Variants in UVRAG observed in about 807,000 individuals in gnomAD.
UVRAG encodes the protein UV radiation resistance associated, also known as UV radiation resistance-associated gene protein.
UVRAG carries 19 observed loss-of-function variants against 78.0 expected under a neutral mutation model. The ratio of observed to expected loss-of-function variants is 0.24; its 90% CI spans 0.17 to 0.36. The LOEUF (loss-of-function observed/expected upper bound fraction) is 0.36. UVRAG is among the 10% of genes least tolerant of loss of function. The probability of loss-of-function intolerance (pLI) is 1.00; values close to 1 mark genes in which losing one functional copy is unlikely to be tolerated. For synonymous variants in UVRAG, 323 were observed against 324.6 expected, an observed-to-expected ratio of 1.00 and a Z score of 0.05; for missense variants, 740 against 853.8, an observed-to-expected ratio of 0.87 and a Z score of 1.66.
At chr11:76,055,870 T>G (rs995755221) in intron 12 of UVRAG, among the ~76,000 whole-genome samples, 4 of 152,084 alleles carry the variant, frequency 2.6e-5, no homozygotes, top group African/African-American at 9.7e-5. Flanking sequence ...CCACCACACC[T>G]GGCTAATTTT....
intron 11 of UVRAG, among the ~76,000 whole-genome samples, chr11:76,009,118 G>A (rs967817011): frequency 6.6e-6 from 1 of 152,138 alleles, no homozygotes; most frequent in Non-Finnish European, 1.5e-5. Flanking sequence ...AAGCAAATTA[G>A]ACAGTCAGGT....
rs561498440 is a variant in UVRAG at position 76,021,353 on chromosome 11, G to A, written c.1226+4373G>A. On this transcript the variant is annotated intron_variant, in intron 12 of 14. Transcript: ENST00000356136. ...TTTTCTTATAATCCTTTTCATTTCT[G>A]TAAGGTTTGTAGTAATGTCCCCACT... Among the ~76,000 whole-genome samples, 6 of 152,222 alleles carry A rather than the reference G, an allele frequency of 3.9e-5. No individual in the cohort carries two copies. The East Asian group carries it at 1.2e-3, about 29-fold the overall frequency.
chr11:75,845,482 G>A lies in UVRAG; in HGVS notation c.118-6401G>A, dbSNP rs949376589. On this transcript the variant is annotated intron_variant, in intron 1 of 14. Coordinates refer to ENST00000356136, the MANE Select transcript of UVRAG (RefSeq NM_003369.4). ...AGAAAATGTGATACATATACACCAT[G>A]GAATACTACACAGCCAGAAAAAAGA... Among the ~76,000 whole-genome samples the A allele has an allele frequency of 2.6e-5, 4 of 152,196 alleles. No individual in the cohort carries two copies. In the East Asian group the frequency reaches 7.7e-4, roughly 29 times the overall value.
intron 4 of UVRAG, among the ~76,000 whole-genome samples, chr11:75,880,817 A>G (rs1339603610): frequency 2.0e-5 from 3 of 151,720 alleles, no homozygotes; most frequent in Non-Finnish European, 2.9e-5. Flanking sequence ...GGCCTCCCAA[A>G]GTGCTGGGAT....
At chr11:76,090,105 C>T (rs1951668053) in intron 13 of UVRAG, among the ~76,000 whole-genome samples, 2 of 152,254 alleles carry the variant, frequency 1.3e-5, no homozygotes, top group Non-Finnish European at 2.9e-5. Context: ...CTCCTGACTG[C>T]ACCTCCATTT....
At chr11:75,883,675 T>G (rs1450454055) in intron 4 of UVRAG, among the ~76,000 whole-genome samples, 1 of 152,208 alleles carries the variant, frequency 6.6e-6, no homozygotes, top group Non-Finnish European at 1.5e-5. Context: ...GGTGTACTGA[T>G]GATTGATGAA....
At chr11:76,067,611 A>C (rs1432645136) in intron 13 of UVRAG, among the ~76,000 whole-genome samples, 1 of 151,934 alleles carries the variant, frequency 6.6e-6, no homozygotes, top group Non-Finnish European at 1.5e-5. Flanking sequence ...TACAAAAATT[A>C]GCCAGGTGTG....
At chr11:75,999,058 C>G (rs1402015890) in intron 8 of UVRAG, among the ~76,000 whole-genome samples, 1 of 151,950 alleles carries the variant, frequency 6.6e-6, no homozygotes, top group African/African-American at 2.4e-5. Flanking sequence ...CATGGTGAAA[C>G]CCCATTTCTA....
intron 1 of UVRAG, among the ~76,000 whole-genome samples, chr11:75,849,963 C>A (rs1946118262): frequency 1.3e-5 from 2 of 152,194 alleles, no homozygotes; most frequent in South Asian, 4.1e-4. Context: ...CCCTGGAGAG[C>A]CCCCTTACAG....
chr11:75,838,180 T>C (rs1945826208), intron 1 of UVRAG, among the ~76,000 whole-genome samples: 1 of 152,234 alleles, frequency 6.6e-6, no homozygotes, highest in Admixed American at 6.5e-5. Context: ...TATGGTCACA[T>C]AGCATTTCAC....
intron 13 of UVRAG, among the ~76,000 whole-genome samples, chr11:76,068,866 G>A (rs1951248705): frequency 6.6e-6 from 1 of 152,180 alleles, no homozygotes; most frequent in Non-Finnish European, 1.5e-5. Flanking sequence ...AGGGGAGTTT[G>A]TCTTCTCAGC....
intron 13 of UVRAG, among the ~76,000 whole-genome samples, chr11:76,084,836 C>G (rs554776852): frequency 6.6e-6 from 1 of 151,826 alleles, no homozygotes; most frequent in Non-Finnish European, 1.5e-5. Flanking sequence ...CTGAGGAAGG[C>G]AGATCACTTG....
In UVRAG at chr11:75,933,596, T is replaced by C. The variant is rs193191116; in HGVS notation, c.593+21557T>C. Reference sequence around the variant, plus strand: ...AGAATGGGAGAAAACATTTGCAAACTACCCATCTGACAAGGGATTAATAAC... The same window carrying C: ...AGAATGGGAGAAAACATTTGCAAACCACCCATCTGACAAGGGATTAATAAC... On this transcript the variant is annotated intron_variant, in intron 6 of 14. Coordinates refer to ENST00000356136, the MANE Select transcript of UVRAG (RefSeq NM_003369.4). Among the ~76,000 whole-genome samples, 414 of 152,238 alleles carry C rather than the reference T, an allele frequency of 2.7e-3. 1 individual carries two copies. Among genetic ancestry groups the C allele is most frequent in the Non-Finnish European group, 3.7e-3 (252 of 68,004 alleles).
At chr11:75,913,536 G>A (rs1287080329) in intron 6 of UVRAG, among the ~76,000 whole-genome samples, 1 of 152,148 alleles carries the variant, frequency 6.6e-6, no homozygotes, top group Non-Finnish European at 1.5e-5. Context: ...ACAAATTTGT[G>A]TAATTTACAA....
chr11:75,846,798 A>G (rs1946042771), intron 1 of UVRAG, among the ~76,000 whole-genome samples: 1 of 151,826 alleles, frequency 6.6e-6, no homozygotes, highest in African/African-American at 2.4e-5. Context: ...GTAGCTTTAT[A>G]GTAATGTCAG....
At chr11:75,977,880 A>ATATTG (rs1949281713) in intron 7 of UVRAG, among the ~76,000 whole-genome samples, 1 of 152,114 alleles carries the variant, frequency 6.6e-6, no homozygotes, top group Admixed American at 6.5e-5. Context: ...CTTAAGGTTA[A>ATATTG]TATTGTTACG....
chr11:76,022,800 A>G (rs1950269104), intron 12 of UVRAG, among the ~76,000 whole-genome samples: 1 of 151,888 alleles, frequency 6.6e-6, no homozygotes. Flanking sequence ...CCACTTTGCT[A>G]TTTGTTTTCT....
chr11:75,924,854 A>G (rs1948060920), intron 6 of UVRAG, among the ~76,000 whole-genome samples: 1 of 152,206 alleles, frequency 6.6e-6, no homozygotes, highest in Non-Finnish European at 1.5e-5. Context: ...TGGAAATGTA[A>G]TGGGTAAGTT....
At chr11:76,056,812 T>C (rs1950992973) in intron 12 of UVRAG, among the ~76,000 whole-genome samples, 1 of 152,208 alleles carries the variant, frequency 6.6e-6, no homozygotes, top group Admixed American at 6.5e-5. Flanking sequence ...AATTGATTAG[T>C]ACCCCTGGCC....
Sources: allele counts gnomAD v4.1 joint callset (sites outside exome capture counted in the v4.1 genomes callset), GRCh38; gene constraint gnomAD v4.1.1; transcripts MANE v1.5; gene names NCBI Gene and HGNC (gene_info 2026-07-23, HGNC 2026-07-21).